The following ZBTB7B variants were observed in gnomAD, a reference collection of about 807,000 sequenced individuals.
ZBTB7B encodes the protein zinc finger and BTB domain-containing protein 7B.
Under a neutral mutation model 31.0 loss-of-function variants are expected in ZBTB7B, and 8 were observed. That is an observed-to-expected ratio of 0.26 (90% CI 0.15 to 0.47). The LOEUF (loss-of-function observed/expected upper bound fraction) is 0.47. ZBTB7B is among the 20% of genes least tolerant of loss of function. The pLI is 0.99. For synonymous variants in ZBTB7B, 261 were observed against 307.3 expected, an observed-to-expected ratio of 0.85 and a Z score of 1.58; for missense variants, 494 against 742.4, an observed-to-expected ratio of 0.67 and a Z score of 3.89.
At position 155,017,346 on chromosome 1, in the gene ZBTB7B, C is replaced by CTGGGGGCAGTAGAGGGGCCCCGCCCA. The variant is rs1553257646; in HGVS notation, c.*662_*687dup. The stretch of plus-strand genomic sequence containing the variant: ...GGTGGCCTGATTGGCTCGCCTGCCC[C>CTGGGGGCAGTAGAGGGGCCCCGCCCA]TGGGGGCAGTAGAGGGGCCCCGCCC... On this transcript the variant is annotated 3_prime_UTR_variant, in exon 3 of 3. Coordinates refer to ENST00000535420, the MANE Select transcript of ZBTB7B (RefSeq NM_001256455.2). 8.1e-5 allele frequency: 8 copies of CTGGGGGCAGTAGAGGGGCCCCGCCCA among 98,274 alleles called. No homozygotes were observed. The highest frequency in any genetic ancestry group is 2.0e-4 in the African/African-American group (6 of 29,544). 6.1% of individuals were successfully genotyped at this position (98,274 alleles called of 1,614,324 possible).
Position 155,015,665 on chromosome 1 carries a change from G to A in ZBTB7B, c.1005G>A (p.Lys335=), listed in dbSNP as rs371734302. Residue 335 remains lysine, a synonymous_variant, in exon 2 of 3, where the codon AAG becomes AAA. Transcript: ENST00000535420. Reference sequence around the variant, plus strand: ...CACCAGGCCTGGACAGCCAAGACAAGCTGGTGCGCAAACGCCGCTCCCAGA... The same window carrying A: ...CACCAGGCCTGGACAGCCAAGACAAACTGGTGCGCAAACGCCGCTCCCAGA... ...NLAPGLDSQD[K]LVRKRRSQMP... 1.2e-6 allele frequency: 2 copies of A among 1,613,170 alleles called. No individual in the cohort carries two copies. The highest frequency in any genetic ancestry group is 2.7e-5 in the African/African-American group (2 of 74,902).
intron 1 of ZBTB7B, chr1:155,011,149 T>TTA: frequency 1.2e-6 from 1 of 861,960 alleles, no homozygotes; most frequent in South Asian, 1.6e-5. Context: ...ATCCCCAGGG[T>TTA]GGGGGAAAGG....
Position 155,014,349 on chromosome 1 carries a change from G to T in ZBTB7B, c.-6-306G>T, listed in dbSNP as rs566469057. 1.7e-5 allele frequency: 5 copies of T among 293,048 alleles called. No individual in the cohort carries two copies. The East Asian group carries it at 1.9e-4, about 11-fold the overall frequency. 18.2% of individuals were successfully genotyped at this position (293,048 alleles called of 1,614,324 possible). On this transcript the variant is annotated intron_variant, in intron 1 of 2. Coordinates refer to ENST00000535420, the MANE Select transcript of ZBTB7B (RefSeq NM_001256455.2). ...GGGCCAGAAAGGCAGGGCTCCTGCTGCCACAGAGGCAGAGTAGAATAGTAT... is the reference window on the plus strand; with the variant it reads ...GGGCCAGAAAGGCAGGGCTCCTGCTTCCACAGAGGCAGAGTAGAATAGTAT...
At chr1:155,014,067 C>T in intron 1 of ZBTB7B, 1 of 986,328 alleles carries the variant, frequency 1.0e-6, no homozygotes, top group East Asian at 1.1e-4. Context: ...CTGTCTGTGC[C>T]TGGCCTCCAG....
chr1:155,011,673 C>T (rs1194038975), intron 1 of ZBTB7B, among the ~76,000 whole-genome samples: 1 of 152,236 alleles, frequency 6.6e-6, no homozygotes, highest in Admixed American at 6.5e-5. Flanking sequence ...AACCACCACA[C>T]ACACCCATGC....
chr1:155,011,127 C>A, intron 1 of ZBTB7B: 1 of 988,578 alleles, frequency 1.0e-6, no homozygotes, highest in Non-Finnish European at 1.5e-6. Flanking sequence ...CACACTAAGC[C>A]TCACTCCCCT....
At chr1:155,010,079 A>G (rs1367972602) in intron 1 of ZBTB7B, among the ~76,000 whole-genome samples, 2 of 152,140 alleles carry the variant, frequency 1.3e-5, no homozygotes, top group Non-Finnish European at 2.9e-5. Context: ...TGAGGGCTGG[A>G]TGATGGCAGG....
chr1:155,010,046 G>A (rs1658845385), intron 1 of ZBTB7B, among the ~76,000 whole-genome samples: 1 of 152,100 alleles, frequency 6.6e-6, no homozygotes. Context: ...GACAGAACCA[G>A]GAGGCCAAGA....
chr1:155,015,884 G>T, intron 2 of ZBTB7B, 70 bp downstream of exon 2: 1 of 1,542,960 alleles, frequency 6.5e-7, no homozygotes, highest in South Asian at 1.2e-5. Context: ...AGATGGGGAA[G>T]AAGTTAGGAG....
At chr1:155,012,553 G>A (rs1368768314) in intron 1 of ZBTB7B, among the ~76,000 whole-genome samples, 1 of 152,118 alleles carries the variant, frequency 6.6e-6, no homozygotes, top group African/African-American at 2.4e-5. Context: ...AGGGAGCAGG[G>A]AGAGCTCCCA....
intron 1 of ZBTB7B, chr1:155,011,142 C>T: frequency 3.3e-6 from 3 of 896,068 alleles, no homozygotes; most frequent in Non-Finnish European, 5.1e-6. Flanking sequence ...TCCCCTAATC[C>T]CCAGGGTGGG....
Position 155,004,434 on chromosome 1 carries a change from T to G in ZBTB7B, c.-7+1491T>G, listed in dbSNP as rs1005345883. Among the ~76,000 whole-genome samples the G allele has an allele frequency of 6.6e-6, 1 of 152,032 alleles. No individual in the cohort carries two copies. The highest frequency in any genetic ancestry group is 2.4e-5 in the African/African-American group (1 of 41,376). The stretch of plus-strand genomic sequence containing the variant: ...GAACTGTCTGGTCCCTAAGGGAGTA[T>G]GTGTGAGTGTGGGGATGAGGCCTGG... On this transcript the variant is annotated intron_variant, in intron 1 of 2. Transcript: ENST00000535420. This position sits in a 1 kb window ranked among gnomAD's most constrained non-coding sequence, Gnocchi z 4.0.
chr1:155,015,749 C>A lies in ZBTB7B; in HGVS notation c.1089C>A (p.Arg363=). 1 of 1,612,354 alleles carries A rather than the reference C, an allele frequency of 6.2e-7. No homozygotes were observed. The highest frequency in any genetic ancestry group is 1.3e-5 in the African/African-American group (1 of 74,998). The part of the protein sequence containing the change: ...KIIHGAGKLP[R]HMRTHTGEKP... ...TCCATGGGGCAGGCAAACTGCCTCG[C>A]CACATGAGGACCCACACAGGCGAGA... Residue 363 remains arginine (R), a synonymous_variant, in exon 2 of 3, where the codon CGC becomes CGA. Coordinates refer to ENST00000535420, the MANE Select transcript of ZBTB7B (RefSeq NM_001256455.2).
intron 1 of ZBTB7B, among the ~76,000 whole-genome samples, chr1:155,007,311 C>T (rs1341245332): frequency 2.0e-5 from 3 of 152,210 alleles, no homozygotes; most frequent in African/African-American, 7.2e-5. Context: ...CCTCCCTGCC[C>T]CCTGCCCTCT....
At chr1:155,007,874 G>T (rs1045317132) in intron 1 of ZBTB7B, among the ~76,000 whole-genome samples, 12 of 152,096 alleles carry the variant, frequency 7.9e-5, no homozygotes, top group African/African-American at 2.7e-4. Flanking sequence ...ATTTTAGGGG[G>T]CATTTCTATG....
chr1:155,017,728 G>C lies in ZBTB7B; in HGVS notation c.*1043G>C, dbSNP rs1275213244. Reference sequence around the variant, plus strand: ...GGCCACTGGAGCGAGCTGTCTTCACGCTCCTCATCCACCCCAGCTGGTGAG... The same window carrying C: ...GGCCACTGGAGCGAGCTGTCTTCACCCTCCTCATCCACCCCAGCTGGTGAG... On this transcript the variant is annotated 3_prime_UTR_variant, in exon 3 of 3. Coordinates refer to ENST00000535420, the MANE Select transcript of ZBTB7B (RefSeq NM_001256455.2). The C allele has an allele frequency of 6.6e-6, 1 of 152,348 alleles. No individual in the cohort carries two copies. Among genetic ancestry groups the C allele is most frequent in the East Asian group, 1.9e-4 (1 of 5,214 alleles). 9.4% of individuals were successfully genotyped at this position (152,348 alleles called of 1,614,324 possible).
rs955856395 is a variant in ZBTB7B, at chr1:155,015,249, G to T, written c.589G>T (p.Val197Phe). Reference sequence around the variant, plus strand: ...ACCTCCGCCACCGCCACCTCGGCCTGTTGCCCGCCGCAGCCGCAAGCCCCG... The same window carrying T: ...ACCTCCGCCACCGCCACCTCGGCCTTTTGCCCGCCGCAGCCGCAAGCCCCG... Reference protein sequence around the residue: ...PPPPPPPPRPVARRSRKPRKA... With the variant: ...PPPPPPPPRPFARRSRKPRKA... Residue 197 changes from valine to phenylalanine, a missense_variant, in exon 2 of 3, where the codon GTT (valine) becomes TTT (phenylalanine). By Grantham distance (50) the Val-to-Phe change is conservative (BLOSUM62 -1). Transcript: ENST00000535420. The T allele has an allele frequency of 1.2e-6, 2 of 1,613,674 alleles. No individual in the cohort carries two copies. Among genetic ancestry groups the T allele is most frequent in the South Asian group, 1.1e-5 (1 of 91,062 alleles).
At chr1:155,010,896 C>T in intron 1 of ZBTB7B, 1 of 1,532,814 alleles carries the variant, frequency 6.5e-7, no homozygotes, top group South Asian at 1.2e-5. Flanking sequence ...AGCCTCAGGT[C>T]TCTCCATCAT....
chr1:155,001,793 A>G (rs1280119350), upstream of ZBTB7B, among the ~76,000 whole-genome samples: 1 of 149,418 alleles, frequency 6.7e-6, no homozygotes, highest in Non-Finnish European at 1.5e-5. The surrounding 1 kb of genome is among the most constrained non-coding windows in gnomAD (Gnocchi z 4.8). Context: ...CCCGCGGGGC[A>G]CCGTCACGCG....
Sources: allele counts gnomAD v4.1 joint callset (sites outside exome capture counted in the v4.1 genomes callset), GRCh38; gene constraint gnomAD v4.1.1; non-coding constraint Gnocchi (gnomAD v3.1); transcripts MANE v1.5; gene names NCBI Gene and HGNC (gene_info 2026-07-23, HGNC 2026-07-21).